The following SLC8A1 variants were observed in gnomAD, a reference collection of about 807,000 sequenced individuals.
The protein encoded by SLC8A1 is sodium/calcium exchanger 1.
Under a neutral mutation model 68.3 loss-of-function variants are expected in SLC8A1, and 18 were observed. That is an observed-to-expected ratio of 0.26 (90% CI 0.18 to 0.39). The LOEUF is 0.39. Ranked by LOEUF, SLC8A1 falls within the 10% of genes least tolerant of loss-of-function variation. SLC8A1 has a pLI of 1.00. For missense variants in SLC8A1, 985 were observed against 1,156.7 expected (o/e 0.85, Z 2.15); for synonymous variants, 475 against 415.5 (o/e 1.14, Z -1.74).
At chr2:40,235,256 A>C (rs1414490778) in intron 2 of SLC8A1, among the ~76,000 whole-genome samples, 1 of 152,010 alleles carries the variant, frequency 6.6e-6, no homozygotes, top group African/African-American at 2.4e-5. Flanking sequence ...GTAAGCTATT[A>C]ATTATTGCCA....
chr2:40,254,411 T>C (rs1022257739), intron 2 of SLC8A1: 3 of 151,546 alleles, frequency 2.0e-5, no homozygotes, highest in Non-Finnish European at 4.4e-5. Context: ...TTTGTTTTTT[T>C]TTTTTCAGGC....
intron 6 of SLC8A1, among the ~76,000 whole-genome samples, chr2:40,141,930 A>C (rs2041643778): frequency 6.6e-6 from 1 of 152,082 alleles, no homozygotes; most frequent in Non-Finnish European, 1.5e-5. Context: ...TTACAAGCCA[A>C]GGAGATTGGC....
chr2:40,304,653 C>A (rs918202802), intron 2 of SLC8A1, among the ~76,000 whole-genome samples: 1 of 152,134 alleles, frequency 6.6e-6, no homozygotes, highest in Non-Finnish European at 1.5e-5. Flanking sequence ...AGAGTCTCGT[C>A]GTGCCCCTTT....
At chr2:40,344,522 G>C (rs1668666029) in intron 2 of SLC8A1, among the ~76,000 whole-genome samples, 2 of 152,106 alleles carry the variant, frequency 1.3e-5, no homozygotes, top group East Asian at 3.9e-4. Flanking sequence ...GTTCATCTTT[G>C]AGTAAGACAC....
At chr2:40,386,522 A>G in intron 2 of SLC8A1, among the ~76,000 whole-genome samples, 1 of 149,770 alleles carries the variant, frequency 6.7e-6, no homozygotes, top group Admixed American at 6.7e-5. Flanking sequence ...TTTATTTAAC[A>G]TCAAGTAAAT....
intron 7 of SLC8A1, among the ~76,000 whole-genome samples, chr2:40,124,998 T>C (rs1050040103): frequency 1.3e-5 from 2 of 152,366 alleles, no homozygotes; most frequent in East Asian, 3.9e-4. Flanking sequence ...TGGCTGAATG[T>C]AGATGGTGGT....
intron 2 of SLC8A1, among the ~76,000 whole-genome samples, chr2:40,376,384 TC>T (rs1378183017): frequency 1.3e-5 from 2 of 152,096 alleles, no homozygotes; most frequent in Non-Finnish European, 2.9e-5. Flanking sequence ...AATTTCACTA[TC>T]AAACGTTCTG....
At chr2:40,353,757 C>T (rs138804638) in intron 2 of SLC8A1, among the ~76,000 whole-genome samples, 2 of 152,224 alleles carry the variant, frequency 1.3e-5, no homozygotes, top group African/African-American at 2.4e-5. Context: ...AACTTGTGTC[C>T]CATTTTCATT....
chr2:40,198,149 A>G (rs2053451866), intron 2 of SLC8A1, among the ~76,000 whole-genome samples: 1 of 152,034 alleles, frequency 6.6e-6, no homozygotes. Flanking sequence ...TATTTTTCTA[A>G]AATGAATGTG....
intron 1 of SLC8A1, among the ~76,000 whole-genome samples, chr2:40,468,875 A>T (rs1422226927): frequency 6.6e-6 from 1 of 152,120 alleles, no homozygotes; most frequent in Non-Finnish European, 1.5e-5. Flanking sequence ...TAGGAGTTTT[A>T]TACCAGCCTG....
chr2:40,286,391 A>C (rs1267733735), intron 2 of SLC8A1, among the ~76,000 whole-genome samples: 1 of 152,146 alleles, frequency 6.6e-6, no homozygotes, highest in African/African-American at 2.4e-5. Flanking sequence ...TTGCCTTAAG[A>C]CCATTTATTT....
chr2:40,145,548 A>ATGTGT (rs2042303560), intron 6 of SLC8A1, among the ~76,000 whole-genome samples: 1 of 152,164 alleles, frequency 6.6e-6, no homozygotes, highest in Non-Finnish European at 1.5e-5. Context: ...ACTTTTTTGC[A>ATGTGT]ACCTGACATA....
chr2:40,145,396 C>T (rs959590214), intron 6 of SLC8A1, among the ~76,000 whole-genome samples: 10 of 152,154 alleles, frequency 6.6e-5, no homozygotes, highest in Non-Finnish European at 1.5e-4. Context: ...GCTCATCACC[C>T]TTGAATTTGG....
intron 2 of SLC8A1, among the ~76,000 whole-genome samples, chr2:40,427,009 G>C (rs1319601734): frequency 6.6e-6 from 1 of 151,830 alleles, no homozygotes; most frequent in East Asian, 1.9e-4. Flanking sequence ...CTATCTTTCA[G>C]TAAAATAAGT....
intron 1 of SLC8A1, among the ~76,000 whole-genome samples, chr2:40,443,704 T>C (rs1180987841): frequency 6.6e-6 from 1 of 152,238 alleles, no homozygotes; most frequent in African/African-American, 2.4e-5. Flanking sequence ...AAATGAGTGC[T>C]GGTCTCAGCT....
At chr2:40,389,806 A>T (rs996658978) in intron 2 of SLC8A1, among the ~76,000 whole-genome samples, 15 of 150,274 alleles carry the variant, frequency 1.0e-4, no homozygotes, top group African/African-American at 3.7e-4. Context: ...AATTTGGGGA[A>T]ATATATATAT....
At chr2:40,448,067 A>T (rs1701773685) in intron 1 of SLC8A1, among the ~76,000 whole-genome samples, 1 of 152,240 alleles carries the variant, frequency 6.6e-6, no homozygotes, top group Admixed American at 6.5e-5. Flanking sequence ...GAACTTACAA[A>T]AATCACTTGA....
intron 7 of SLC8A1, among the ~76,000 whole-genome samples, chr2:40,132,178 A>G (rs1302809498): frequency 2.0e-5 from 3 of 152,158 alleles, no homozygotes; most frequent in Non-Finnish European, 2.9e-5. Context: ...TATGGAAAAG[A>G]GCATATGCAA....
At chr2:40,385,322 C>T (rs1238233787) in intron 2 of SLC8A1, among the ~76,000 whole-genome samples, 2 of 146,442 alleles carry the variant, frequency 1.4e-5, no homozygotes, top group Non-Finnish European at 2.9e-5. Context: ...TTTTCTCCTT[C>T]TCCTTCAGTG....
Sources: gnomAD v4.1 joint callset for allele counts (sites outside exome capture counted in the v4.1 genomes callset) on GRCh38, gnomAD v4.1.1 for gene constraint, MANE v1.5 for transcripts, NCBI Gene and HGNC (gene_info 2026-07-23, HGNC 2026-07-21) for gene names.